SCRG1: variants seen among roughly 807,000 people sequenced by gnomAD.
SCRG1 encodes the protein scrapie-responsive protein 1.
Under a neutral mutation model 7.7 loss-of-function variants are expected in SCRG1, and 3 were observed. That is an observed-to-expected ratio of 0.39 (90% CI 0.18 to 1.01). The LOEUF (loss-of-function observed/expected upper bound fraction) is 1.01, where lower values mean the gene tolerates loss of function less well. Ranked by LOEUF, SCRG1 falls within the 50% of genes least tolerant of loss-of-function variation. SCRG1 has a pLI of 0.36. For missense variants in SCRG1, 110 were observed against 117.2 expected (o/e 0.94, Z 0.28); for synonymous variants, 46 against 41.2 (o/e 1.12, Z -0.44).
chr4:173,405,546 T>A (rs1476877233), intron 1 of SCRG1, among the ~76,000 whole-genome samples: 2 of 152,238 alleles, frequency 1.3e-5, no homozygotes, highest in Non-Finnish European at 2.9e-5. Flanking sequence ...AGTAACTACA[T>A]AAATTTTGGA....
chr4:173,385,625 A>T lies in SCRG1; in HGVS notation c.*2716T>A. On this transcript the variant is annotated 3_prime_UTR_variant, in exon 3 of 3. Transcript: ENST00000296506. The stretch of plus-strand genomic sequence containing the variant: ...TAATGCATTCATTTCTAAAAGAAAT[A>T]ACTGAATTTCATATTTTCAGAAAGA... 6.6e-6 allele frequency: 1 copy of T among 152,320 alleles called. No homozygotes were observed. Among genetic ancestry groups the T allele is most frequent in the Non-Finnish European group, 1.5e-5 (1 of 68,018 alleles). The allele number at this position is 152,320 out of a possible 1,614,324, so 9.4% of individuals were successfully genotyped here.
At chr4:173,391,119 A>C (rs1739423786) in intron 2 of SCRG1, 54 bp downstream of exon 2, 23 of 1,594,596 alleles carry the variant, frequency 1.4e-5, no homozygotes, top group Non-Finnish European at 2.0e-5. Flanking sequence ...ATGTAGCTAA[A>C]AGTTGTTCTG....
the SCRG1 span, among the ~76,000 whole-genome samples, chr4:173,460,361 C>A: frequency 1.3e-5 from 2 of 152,336 alleles, no homozygotes; most frequent in East Asian, 3.9e-4. Flanking sequence ...GGCATCACCC[C>A]TCCTCTAGTC....
chr4:173,385,885 G>A lies in SCRG1; in HGVS notation c.*2456C>T, dbSNP rs894724275. On this transcript the variant is annotated 3_prime_UTR_variant, in exon 3 of 3. Transcript: ENST00000296506. Reference sequence around the variant, plus strand: ...AAGTAGAAAATAAAACTGGTTTGCTGATAGTTTTTTTAAATTTACCTATTC... The same window carrying A: ...AAGTAGAAAATAAAACTGGTTTGCTAATAGTTTTTTTAAATTTACCTATTC... The A allele has an allele frequency of 2.0e-5, 3 of 152,078 alleles. No homozygotes were observed. Among genetic ancestry groups the A allele is most frequent in the Non-Finnish European group, 2.9e-5 (2 of 68,014 alleles). The allele number at this position is 152,078 out of a possible 1,614,324, so 9.4% of individuals were successfully genotyped here.
At chr4:173,443,838 C>CA in the SCRG1 span, among the ~76,000 whole-genome samples, 1 of 151,990 alleles carries the variant, frequency 6.6e-6, no homozygotes, top group Non-Finnish European at 1.5e-5. Flanking sequence ...GATTCTTCTG[C>CA]ATTTTTATGG....
the SCRG1 span, among the ~76,000 whole-genome samples, chr4:173,449,486 G>T: frequency 1.5e-5 from 2 of 136,542 alleles, no homozygotes; most frequent in East Asian, 2.2e-4. Flanking sequence ...CCAGGGCATA[G>T]CTGGCCTTGT....
At chr4:173,438,155 G>A in the SCRG1 span, among the ~76,000 whole-genome samples, 1 of 152,070 alleles carries the variant, frequency 6.6e-6, no homozygotes, top group Non-Finnish European at 1.5e-5. Context: ...CACGCGTGTT[G>A]CACAGGCTGG....
At chr4:173,490,205 G>T in the SCRG1 span, among the ~76,000 whole-genome samples, 1 of 152,108 alleles carries the variant, frequency 6.6e-6, no homozygotes, top group Non-Finnish European at 1.5e-5. Flanking sequence ...CAGGCTGCAG[G>T]ACATGAAACA....
intron 1 of SCRG1, among the ~76,000 whole-genome samples, chr4:173,391,943 A>G (rs1739461312): frequency 6.6e-6 from 1 of 152,178 alleles, no homozygotes; most frequent in Non-Finnish European, 1.5e-5. Context: ...GGCTGTAGGC[A>G]GGGAGGAAGT....
the SCRG1 span, chr4:173,446,816 T>C: frequency 6.6e-6 from 1 of 152,214 alleles, no homozygotes; most frequent in South Asian, 2.1e-4. Context: ...TTTGTAATTA[T>C]TTGTGTTATG....
the SCRG1 span, among the ~76,000 whole-genome samples, chr4:173,517,189 C>T: frequency 6.6e-6 from 1 of 152,064 alleles, no homozygotes; most frequent in Non-Finnish European, 1.5e-5. Flanking sequence ...CACCTCGGCT[C>T]CAGGCGAGGA....
At chr4:173,512,369 T>C in the SCRG1 span, among the ~76,000 whole-genome samples, 1 of 152,232 alleles carries the variant, frequency 6.6e-6, no homozygotes, top group East Asian at 1.9e-4. Flanking sequence ...TTTGTTGTTA[T>C]TACTTCATCT....
chr4:173,414,835 T>C, the SCRG1 span, among the ~76,000 whole-genome samples: 1 of 152,218 alleles, frequency 6.6e-6, no homozygotes, highest in Non-Finnish European at 1.5e-5. Context: ...TCTCTCTTAG[T>C]TTTCTCCTCC....
chr4:173,518,378 T>A, the SCRG1 span, among the ~76,000 whole-genome samples: 3 of 152,196 alleles, frequency 2.0e-5, no homozygotes, highest in African/African-American at 7.2e-5. Flanking sequence ...GAGCATTTAT[T>A]TAAAGTTACT....
Position 173,392,513 on chromosome 4 carries a change from C to T in SCRG1, c.-14-1085G>A, listed in dbSNP as rs142153960. ...TCCTAGTTTGAACCCTGAAGTCATA[C>T]CAACAATTCTAATTTCTCTTCCAGG... is the stretch of plus-strand genomic sequence containing the variant. On this transcript the variant is annotated intron_variant, in intron 1 of 2. Transcript: ENST00000296506. Among the ~76,000 whole-genome samples, 20 of 152,258 alleles carry T rather than the reference C, an allele frequency of 1.3e-4. No homozygotes were observed. In the East Asian group the frequency reaches 3.9e-3, roughly 29 times the overall value.
the SCRG1 span, among the ~76,000 whole-genome samples, chr4:173,431,814 A>G: frequency 1.3e-5 from 2 of 152,210 alleles, no homozygotes; most frequent in African/African-American, 4.8e-5. Flanking sequence ...CATAGTATGA[A>G]TTAGTGTCAT....
intron 1 of SCRG1, chr4:173,398,252 T>G (rs1275527043): frequency 6.6e-6 from 1 of 152,188 alleles, no homozygotes; most frequent in Non-Finnish European, 1.5e-5. Flanking sequence ...ATCTTAAATA[T>G]CTAAGATACC....
chr4:173,450,863 TC>T, the SCRG1 span, among the ~76,000 whole-genome samples: 1 of 102,412 alleles, frequency 9.8e-6, no homozygotes, highest in African/African-American at 2.8e-5. Context: ...TCACTGGGCC[TC>T]CCCAGAGGGG....
chr4:173,394,500 C>T lies in SCRG1; in HGVS notation c.-14-3072G>A, dbSNP rs941148474. On this transcript the variant is annotated intron_variant, in intron 1 of 2. Transcript: ENST00000296506. ...TCTACTAAAAATACAAAAAATTAGC[C>T]GGGCGTGGTGGCGAGCGCCTGTAGT... 3.3e-5 allele frequency among the ~76,000 whole-genome samples: 5 copies of T among 152,004 alleles called. No individual in the cohort carries two copies. In the South Asian group the frequency reaches 8.3e-4, roughly 25 times the overall value.
Sources: allele counts gnomAD v4.1 joint callset (sites outside exome capture counted in the v4.1 genomes callset), GRCh38; gene constraint gnomAD v4.1.1; transcripts MANE v1.5; gene names NCBI Gene and HGNC (gene_info 2026-07-23, HGNC 2026-07-21).